Variants in PKHD1L1 observed in about 807,000 individuals in gnomAD.
The protein encoded by PKHD1L1 is fibrocystin-L.
Under a neutral mutation model 462.9 loss-of-function variants are expected in PKHD1L1, and 434 were observed. The ratio of observed to expected loss-of-function variants is 0.94; its 90% confidence interval spans 0.87 to 1.02. PKHD1L1 has a LOEUF of 1.02. Ranked by LOEUF, PKHD1L1 falls within the 50% of genes least tolerant of loss-of-function variation. The pLI, the probability that PKHD1L1 is intolerant of heterozygous loss-of-function variation, is 0.00. For synonymous variants in PKHD1L1, 1,781 were observed against 1,750.0 expected (o/e 1.02, Z -0.44); for missense variants, 5,202 against 5,096.1 (o/e 1.02, Z -0.63).
chr8:109,451,101 G>T lies in PKHD1L1; in HGVS notation c.6302G>T (p.Gly2101Val), dbSNP rs373156343. Reference sequence around the variant, plus strand: ...ATCACTGCAGTATCTCCTAAGAGAGGCAGTACAGCAGGGGGCACCAGACTG... The same window carrying T: ...ATCACTGCAGTATCTCCTAAGAGAGTCAGTACAGCAGGGGGCACCAGACTG... ...PLITAVSPKR[G>V]STAGGTRLTV... The change falls in exon 41 of 78, where the codon GGC becomes GTC. Residue 2101 changes from glycine to valine, a missense_variant. This residue lies in a region of PKHD1L1 where 4,497 missense variants were observed against 4,336.8 expected (regional missense o/e 1.04). Coordinates refer to ENST00000378402, the MANE Select transcript of PKHD1L1 (RefSeq NM_177531.6). 2 of 1,613,194 alleles carry T rather than the reference G, an allele frequency of 1.2e-6. No homozygotes were observed. The highest frequency in any genetic ancestry group is 1.7e-6 in the Non-Finnish European group (2 of 1,179,398).
chr8:109,386,218 C>T (rs1812435374), intron 6 of PKHD1L1, among the ~76,000 whole-genome samples: 1 of 152,178 alleles, frequency 6.6e-6, no homozygotes, highest in African/African-American at 2.4e-5. Flanking sequence ...AATAATTGTC[C>T]ACATTTTGGA....
At chr8:109,428,563 A>G (rs1814906881) in intron 25 of PKHD1L1, among the ~76,000 whole-genome samples, 1 of 152,184 alleles carries the variant, frequency 6.6e-6, no homozygotes, top group Admixed American at 6.5e-5. Context: ...TTATTTTAAA[A>G]AAAATACATG....
At chr8:109,486,528 C>A (rs1467105185) in intron 58 of PKHD1L1, 120 bp from the exon 59 acceptor site, 3 of 747,178 alleles carry the variant, frequency 4.0e-6, no homozygotes, top group African/African-American at 1.8e-5. Context: ...TAAATGTAAT[C>A]ATGCATTCAT....
At chr8:109,485,219 A>G (rs1818466680) in intron 58 of PKHD1L1, 46 bp downstream of exon 58, 1 of 1,405,952 alleles carries the variant, frequency 7.1e-7, no homozygotes, top group Admixed American at 2.3e-5. Context: ...TTGTGTTGAA[A>G]GATTCACATT....
intron 23 of PKHD1L1, among the ~76,000 whole-genome samples, chr8:109,424,369 A>G (rs2130661448): frequency 6.6e-6 from 1 of 152,288 alleles, no homozygotes; most frequent in Non-Finnish European, 1.5e-5. Flanking sequence ...CATTATTTCC[A>G]GGTTGAGGCT....
Position 109,427,133 on chromosome 8 carries a change from T to G in PKHD1L1, c.2977T>G (p.Cys993Gly), listed in dbSNP as rs765909724. Reference sequence around the variant, plus strand: ...GTGGAACATCAAATGGAGAAGCACCTGCGGAAAGCAGAATCTTCTACAGGT... The same window carrying G: ...GTGGAACATCAAATGGAGAAGCACCGGCGGAAAGCAGAATCTTCTACAGGT... The part of the protein sequence containing the change: ...YAWNIKWRST[C>G]GKQNLLQIND... The change falls in exon 25 of 78, where the codon TGC (cysteine) becomes GGC (glycine). Residue 993 changes from cysteine (C) to glycine (G), a missense_variant. Around this residue, in one of 3 missense-constraint regions of PKHD1L1, gnomAD observed 4,497 missense variants for 4,336.8 expected, o/e 1.04. Coordinates refer to ENST00000378402, the MANE Select transcript of PKHD1L1 (RefSeq NM_177531.6). The G allele has an allele frequency of 3.1e-6, 5 of 1,613,812 alleles. No individual in the cohort carries two copies. In the East Asian group the frequency reaches 1.1e-4, roughly 36 times the overall value.
intron 71 of PKHD1L1, among the ~76,000 whole-genome samples, chr8:109,511,859 G>T (rs1465465804): frequency 1.3e-5 from 2 of 152,072 alleles, no homozygotes; most frequent in African/African-American, 4.8e-5. Flanking sequence ...AGCACCTACT[G>T]TTTCCTGACT....
chr8:109,387,561 C>T (rs1287511690), intron 6 of PKHD1L1, among the ~76,000 whole-genome samples: 1 of 152,118 alleles, frequency 6.6e-6, no homozygotes, highest in East Asian at 1.9e-4. Context: ...AAGGATTAAA[C>T]ATCATAGGAA....
At position 109,518,446 on chromosome 8, in the gene PKHD1L1, G is replaced by A. The variant is rs146831382; in HGVS notation, c.11969G>A (p.Gly3990Glu). ...GKSLRRKRSM[G>E]FIIEIEIGDP... is the part of the protein sequence containing the mutation. ...AGTCTGAGGAGGAAGAGATCCATGG[G>A]ATTCATAATTGAAATAGAGATTGGA... The change falls in exon 73 of 78, where the codon GGA becomes GAA. Residue 3990 changes from glycine to glutamate, a missense_variant. Transcript: ENST00000378402. The A allele has an allele frequency of 1.5e-3, 2,441 of 1,610,444 alleles. 4 individuals are homozygous for A. Among genetic ancestry groups the A allele is most frequent in the Non-Finnish European group, 2.0e-3 (2,301 of 1,179,506 alleles).
chr8:109,428,593 G>A (rs1814908814), intron 25 of PKHD1L1, among the ~76,000 whole-genome samples: 1 of 152,162 alleles, frequency 6.6e-6, no homozygotes, highest in South Asian at 2.1e-4. Flanking sequence ...TGAAATTAGA[G>A]AACTCCACAA....
rs2130511370 is a variant in PKHD1L1, at chr8:109,396,087, G to T, written c.872G>T (p.Ser291Ile). ...SIRGGTTLTI[S>I]GRFFDQTDFP... is the part of the protein sequence containing the mutation. ...CGAGGTGGCACCACGCTGACAATAA[G>T]TGGGCGTTTCTTTGATCAGACAGAT... The change falls in exon 11 of 78, where the codon AGT (serine) becomes ATT (isoleucine). Residue 291 changes from serine to isoleucine, a missense_variant. Around this residue, in one of 3 missense-constraint regions of PKHD1L1, gnomAD observed 4,497 missense variants for 4,336.8 expected, o/e 1.04. Coordinates refer to ENST00000378402, the MANE Select transcript of PKHD1L1 (RefSeq NM_177531.6). 1 of 1,609,550 alleles carries T rather than the reference G, an allele frequency of 6.2e-7. No individual in the cohort carries two copies. The highest frequency in any genetic ancestry group is 8.5e-7 in the Non-Finnish European group (1 of 1,178,142).
At chr8:109,369,635 A>G (rs1811397586) in intron 2 of PKHD1L1, among the ~76,000 whole-genome samples, 1 of 152,086 alleles carries the variant, frequency 6.6e-6, no homozygotes, top group East Asian at 1.9e-4. Flanking sequence ...ATATATATAT[A>G]TATATATACA....
At chr8:109,477,912 A>G (rs1653837771) in intron 53 of PKHD1L1, among the ~76,000 whole-genome samples, 1 of 152,184 alleles carries the variant, frequency 6.6e-6, no homozygotes, top group South Asian at 2.1e-4. Context: ...TTTGTAACTT[A>G]CATAGCTCTT....
chr8:109,473,078 A>G (rs1396171445), intron 50 of PKHD1L1, among the ~76,000 whole-genome samples: 1 of 152,192 alleles, frequency 6.6e-6, no homozygotes, highest in African/African-American at 2.4e-5. Context: ...TCAGTCCAAG[A>G]CACTTAAAAC....
chr8:109,495,029 A>G (rs1819018425), intron 63 of PKHD1L1, among the ~76,000 whole-genome samples: 1 of 151,824 alleles, frequency 6.6e-6, no homozygotes, highest in Non-Finnish European at 1.5e-5. Context: ...TATAGCATAA[A>G]TTTCACCTTT....
intron 50 of PKHD1L1, among the ~76,000 whole-genome samples, chr8:109,469,239 T>C (rs761457796): frequency 6.6e-6 from 1 of 152,066 alleles, no homozygotes; most frequent in South Asian, 2.1e-4. Context: ...ACAGCTACCA[T>C]AGAACTCTTC....
At chr8:109,377,472 A>G (rs1811898006) in intron 2 of PKHD1L1, among the ~76,000 whole-genome samples, 2 of 152,190 alleles carry the variant, frequency 1.3e-5, no homozygotes, top group Non-Finnish European at 2.9e-5. Flanking sequence ...CAAATTTGCT[A>G]GTGCAAAAGA....
At chr8:109,470,092 TAAGTA>T in intron 50 of PKHD1L1, 1 of 447,884 alleles carries the variant, frequency 2.2e-6, no homozygotes. Context: ...GCAACCTTCC[TAAGTA>T]AATTATTTTA....
chr8:109,389,817 C>T (rs528128666), intron 8 of PKHD1L1, among the ~76,000 whole-genome samples: 52 of 152,192 alleles, frequency 3.4e-4, no homozygotes, highest in African/African-American at 1.2e-3. Context: ...GGTGAGCCAA[C>T]GCGCCTGGCC....
Sources: allele counts gnomAD v4.1 joint callset (sites outside exome capture counted in the v4.1 genomes callset), GRCh38; gene constraint gnomAD v4.1.1; regional missense constraint gnomAD v4.1.1; transcripts MANE v1.5; gene names NCBI Gene and HGNC (gene_info 2026-07-23, HGNC 2026-07-21).